The following CBARP variants were observed in gnomAD, a reference collection of about 807,000 sequenced individuals.
The protein encoded by CBARP is voltage-dependent calcium channel beta subunit-associated regulatory protein.
CBARP carries 24 observed loss-of-function variants against 36.3 expected under a neutral mutation model. That is an observed-to-expected ratio of 0.66 (90% CI 0.48 to 0.93). CBARP has a LOEUF of 0.93. Ranked by LOEUF, CBARP falls within the 40% of genes least tolerant of loss-of-function variation. The pLI, the probability that CBARP is intolerant of heterozygous loss-of-function variation, is 0.00. For missense variants in CBARP, 1,146 were observed against 980.4 expected (o/e 1.17, Z -2.26); for synonymous variants, 586 against 453.2 (o/e 1.29, Z -3.72).
chr19:1,231,577 C>T (rs536064637), intron 8 of CBARP, among the ~76,000 whole-genome samples: 8 of 88,740 alleles, frequency 9.0e-5, no homozygotes, highest in South Asian at 4.9e-4. Context: ...CCCCACAGAA[C>T]GCCTGTGCAC....
chr19:1,231,806 C>T (rs1381439687), intron 8 of CBARP, among the ~76,000 whole-genome samples: 1 of 151,892 alleles, frequency 6.6e-6, no homozygotes, highest in Non-Finnish European at 1.5e-5. Context: ...AAAACTGAGG[C>T]ACGGAGGGAA....
intron 1 of CBARP, among the ~76,000 whole-genome samples, 167 bp downstream of exon 1, chr19:1,237,589 G>A (rs2080992892): frequency 1.3e-5 from 2 of 152,112 alleles, no homozygotes; most frequent in African/African-American, 4.8e-5. Context: ...GGCCTGAGCG[G>A]GGGTCCCTCT....
rs1239396593 is a variant in CBARP, at chr19:1,229,755, G to T, written c.1542C>A (p.Gly514=). The T allele has an allele frequency of 5.0e-6, 5 of 1,002,520 alleles. No homozygotes were observed. The African/African-American group carries it at 7.1e-5, about 14-fold the overall frequency. The allele number at this position is 1,002,520 out of a possible 1,614,324, so 62.1% of individuals were successfully genotyped here. A position where few individuals can be genotyped will look rare whatever the true frequency, so the allele number is the denominator to read the frequency against. The change falls in exon 10 of 10, where the codon GGC becomes GGA. Residue 514 remains glycine, a synonymous_variant. Transcript: ENST00000650044. This position sits in a 1 kb window ranked among gnomAD's most constrained non-coding sequence, Gnocchi z 5.1. ...GYASIEGRGA[G]DDTEPPAAPA... ...GCGCGGCAGGTGGCTCGGTGTCGTC[G>T]CCTGCGCCGCGGCCCTCGATGCTGG... is the stretch of plus-strand genomic sequence containing the variant.
Position 1,229,327 on chromosome 19 carries a change from A to G in CBARP, c.1970T>C (p.Leu657Pro). 1 of 1,229,440 alleles carries G rather than the reference A, an allele frequency of 8.1e-7. No homozygotes were observed. The highest frequency in any genetic ancestry group is 1.0e-6 in the Non-Finnish European group (1 of 961,426). 76.2% of individuals were successfully genotyped at this position (1,229,440 alleles called of 1,614,324 possible). The change falls in exon 10 of 10, where the codon CTG (leucine) becomes CCG (proline). Residue 657 changes from leucine to proline, a missense_variant. Coordinates refer to ENST00000650044, the MANE Select transcript of CBARP (RefSeq NM_001393918.1). This position sits in a 1 kb window ranked among gnomAD's most constrained non-coding sequence, Gnocchi z 5.1. Reference protein sequence around the residue: ...PGGGGCPGSGLCVLPSGSVLD... With the variant: ...PGGGGCPGSGPCVLPSGSVLD... ...CACCGACCCGGATGGTAGGACGCACAGGCCCGAGCCGGGGCACCCCCCGCC... is the reference window on the plus strand; with the variant it reads ...CACCGACCCGGATGGTAGGACGCACGGGCCCGAGCCGGGGCACCCCCCGCC...
At chr19:1,236,214 G>A (rs1426253210) in intron 1 of CBARP, 93 bp from the exon 2 acceptor site, 3 of 1,334,084 alleles carry the variant, frequency 2.2e-6, no homozygotes, top group African/African-American at 1.5e-5. Context: ...AGGAGCAGGA[G>A]CCCACACAGG....
At chr19:1,233,760 A>G (rs926832227) in intron 7 of CBARP, 124 bp from the exon 8 acceptor site, 30 of 962,794 alleles carry the variant, frequency 3.1e-5, no homozygotes, top group Non-Finnish European at 4.4e-5. Flanking sequence ...AGAGAGGGGT[A>G]CCTGCTCGGA....
Position 1,236,089 on chromosome 19 carries a change from T to C in CBARP, c.12A>G (p.Thr4=). Residue 4 remains threonine (T), a synonymous_variant, in exon 2 of 10, where the codon ACA becomes ACG. Transcript: ENST00000650044. MQP[T]ATMATAATTT... is the part of the protein sequence containing the mutation. ...TGGTGGCGGCTGTGGCCATGGTGGC[T>C]GTGGGCTGCATTCTGAACTGGGGAG... 2 of 1,481,272 alleles carry C rather than the reference T, an allele frequency of 1.4e-6. No homozygotes were observed. The highest frequency in any genetic ancestry group is 1.8e-6 in the Non-Finnish European group (2 of 1,119,912). 91.8% of individuals were successfully genotyped at this position (1,481,272 alleles called of 1,614,324 possible).
chr19:1,230,589 C>T, intron 9 of CBARP: 3 of 1,175,574 alleles, frequency 2.6e-6, no homozygotes, highest in Non-Finnish European at 3.2e-6. Flanking sequence ...TGAGGGTCAC[C>T]CGCCATACCA....
At position 1,234,649 on chromosome 19, in the gene CBARP, C is replaced by T. The variant is rs759501884; in HGVS notation, c.549G>A (p.Glu183=). ...LPPLKIVTIH[E]CDSGEASSAT... ...CTGAGCTGGCCTCGCCTGAGTCACA[C>T]TCGTGGATGGTGACAATCTTGAGGG... Residue 183 remains glutamate, a synonymous_variant, in exon 6 of 10, where the codon GAG becomes GAA. Transcript: ENST00000650044. The T allele has an allele frequency of 6.2e-7, 1 of 1,611,740 alleles. No individual in the cohort carries two copies. The highest frequency in any genetic ancestry group is 8.5e-7 in the Non-Finnish European group (1 of 1,179,352).
intron 1 of CBARP, among the ~76,000 whole-genome samples, chr19:1,236,870 C>T (rs967212101): frequency 8.2e-5 from 1 of 12,170 alleles, no homozygotes; most frequent in East Asian, 2.3e-3. Context: ...GCGGCGGCCT[C>T]GGGGGGGCGG....
chr19:1,234,004 G>A (rs2080928115), intron 7 of CBARP, among the ~76,000 whole-genome samples, 187 bp downstream of exon 7: 1 of 152,212 alleles, frequency 6.6e-6, no homozygotes, highest in African/African-American at 2.4e-5. Flanking sequence ...CCCTGCATGT[G>A]TGAGGACACG....
chr19:1,236,237 A>G (rs2080971144), intron 1 of CBARP, 116 bp from the exon 2 acceptor site: 3 of 1,307,156 alleles, frequency 2.3e-6, no homozygotes, highest in Non-Finnish European at 2.9e-6. Context: ...GCAGTGACTC[A>G]TGGAGAGGTA....
chr19:1,232,679 G>A (rs2080909622), intron 8 of CBARP, among the ~76,000 whole-genome samples: 1 of 152,200 alleles, frequency 6.6e-6, no homozygotes. Context: ...AACAGTCCAG[G>A]GATCTATGTG....
chr19:1,231,530 C>T (rs978489423), intron 8 of CBARP, among the ~76,000 whole-genome samples: 17 of 76,688 alleles, frequency 2.2e-4, no homozygotes, highest in Non-Finnish European at 2.8e-4. Context: ...CACCACAGAA[C>T]GCCTGTGGCC....
In CBARP at chr19:1,231,156, CGGCGTCGCCCGCCCG is replaced by C; in HGVS notation, c.1084_1098del (p.Arg362_Ala366del). ...AAGGGGCGGGGGTGCGGGAAGGCCA[CGGCGTCGCCCGCCCG>C]GGCAATGTACTGGATGAAGTCCTCC... On this transcript the variant is annotated inframe_deletion, in exon 9 of 10. Coordinates refer to ENST00000650044, the MANE Select transcript of CBARP (RefSeq NM_001393918.1). 1 of 1,600,280 alleles carries C rather than the reference CGGCGTCGCCCGCCCG, an allele frequency of 6.2e-7. No homozygotes were observed. Among genetic ancestry groups the C allele is most frequent in the Non-Finnish European group, 8.5e-7 (1 of 1,174,584 alleles).
intron 3 of CBARP, 56 bp downstream of exon 3, chr19:1,235,723 C>T: frequency 6.2e-7 from 1 of 1,604,472 alleles, no homozygotes; most frequent in South Asian, 1.1e-5. Context: ...CCCCCCACCA[C>T]CCGATGGCAC....
chr19:1,236,220 A>C, intron 1 of CBARP, 99 bp from the exon 2 acceptor site: 1 of 1,330,126 alleles, frequency 7.5e-7, no homozygotes, highest in Non-Finnish European at 9.6e-7. Flanking sequence ...AGGAGCCCAC[A>C]CAGGGGGCAG....
In CBARP at chr19:1,231,189, A is replaced by G. The variant is rs535630461; in HGVS notation, c.1066T>C (p.Phe356Leu). Reference protein sequence around the residue: ...QEEGDAPQEDFIQYIARAGDA... With the variant: ...QEEGDAPQEDLIQYIARAGDA... ...CCCGCCCGGGCAATGTACTGGATGA[A>G]GTCCTCCTGGGGGGCATCCCCCTCC... The change falls in exon 9 of 10, where the codon TTC becomes CTC. Residue 356 changes from phenylalanine (F) to leucine (L), a missense_variant. By Grantham distance (22) the Phe-to-Leu change is conservative (BLOSUM62 0). Transcript: ENST00000650044. The G allele has an allele frequency of 6.2e-7, 1 of 1,603,970 alleles. No individual in the cohort carries two copies. Among genetic ancestry groups the G allele is most frequent in the Admixed American group, 1.7e-5 (1 of 59,900 alleles).
At position 1,235,886 on chromosome 19, in the gene CBARP, C is replaced by T. The variant is rs763847827; in HGVS notation, c.138G>A (p.Val46=). The T allele has an allele frequency of 5.0e-6, 8 of 1,612,356 alleles. No individual in the cohort carries two copies. Among genetic ancestry groups the T allele is most frequent in the Non-Finnish European group, 6.8e-6 (8 of 1,179,910 alleles). Residue 46 remains valine (V), a synonymous_variant, in exon 3 of 10, where the codon GTG becomes GTA. Transcript: ENST00000650044. ...ACAGCGACATCACCACCACCAGCAGCACGTAGTTGTCCAGGATGGGGTCTG... is the reference window on the plus strand; with the variant it reads ...ACAGCGACATCACCACCACCAGCAGTACGTAGTTGTCCAGGATGGGGTCTG... The part of the protein sequence containing the change: ...AEPDPILDNY[V]LLVVVMSLFV...
Sources: gnomAD v4.1 joint callset for allele counts (sites outside exome capture counted in the v4.1 genomes callset) on GRCh38, gnomAD v4.1.1 for gene constraint, Gnocchi (gnomAD v3.1) non-coding constraint, MANE v1.5 for transcripts, NCBI Gene and HGNC (gene_info 2026-07-23, HGNC 2026-07-21) for gene names.